SWT1: variants seen among roughly 807,000 people sequenced by gnomAD.
SWT1 encodes the protein transcriptional protein SWT1.
A neutral mutation model predicts 107.3 loss-of-function variants in SWT1; 33 were observed. The ratio of observed to expected loss-of-function variants is 0.31; its 90% CI spans 0.23 to 0.41. The LOEUF is 0.41. SWT1 is among the 10% of genes least tolerant of loss of function. The probability of loss-of-function intolerance (pLI) is 1.00; values close to 1 mark genes in which losing one functional copy is unlikely to be tolerated. For synonymous variants in SWT1, 345 were observed against 348.3 expected (o/e 0.99, Z 0.11); for missense variants, 898 against 1,028.9 (o/e 0.87, Z 1.74).
At chr1:185,238,051 A>G (rs1053867656) in intron 16 of SWT1, among the ~76,000 whole-genome samples, 50 of 151,808 alleles carry the variant, frequency 3.3e-4, no homozygotes, top group African/African-American at 1.2e-3. Flanking sequence ...CAGTGGAGCA[A>G]TCACGGCTCA....
chr1:185,213,979 GT>G lies in SWT1; in HGVS notation c.1973-527del, dbSNP rs533557973. On this transcript the variant is annotated intron_variant, in intron 13 of 18. Coordinates refer to ENST00000367500, the MANE Select transcript of SWT1 (RefSeq NM_017673.7). ...CAAACTTTTTTTCTCTCCTGAAGTTGTGTTGTACATATAGAGATAACTCATA... is the reference window on the plus strand; with the variant it reads ...CAAACTTTTTTTCTCTCCTGAAGTTGGTTGTACATATAGAGATAACTCATA... 2.5e-4 allele frequency among the ~76,000 whole-genome samples: 38 copies of G among 152,082 alleles called. 1 individual carries two copies. The highest frequency in any genetic ancestry group is 1.7e-3 in the Admixed American group (26 of 15,256).
chr1:185,210,130 C>T (rs1658666495), intron 13 of SWT1, among the ~76,000 whole-genome samples: 1 of 152,120 alleles, frequency 6.6e-6, no homozygotes. Flanking sequence ...AGCTGTTTGT[C>T]AGATCGATAG....
intron 18 of SWT1, among the ~76,000 whole-genome samples, chr1:185,285,735 C>T (rs1170523281): frequency 6.6e-6 from 1 of 152,174 alleles, no homozygotes; most frequent in Non-Finnish European, 1.5e-5. Context: ...AGGGGTCCAG[C>T]TTCATTCATG....
chr1:185,228,156 T>TAA (rs918422186), intron 15 of SWT1, among the ~76,000 whole-genome samples: 1 of 128,024 alleles, frequency 7.8e-6, no homozygotes, highest in Non-Finnish European at 1.6e-5. Context: ...TATGTCACAT[T>TAA]AAAAAAAAAT....
intron 16 of SWT1, 54 bp downstream of exon 16, chr1:185,231,762 C>G (rs1571569922): frequency 7.0e-7 from 1 of 1,427,960 alleles, no homozygotes. Context: ...TTCTCTTTCT[C>G]CTAGGCTTAC....
chr1:185,199,823 A>G (rs1033295463), intron 10 of SWT1, among the ~76,000 whole-genome samples: 2 of 152,260 alleles, frequency 1.3e-5, no homozygotes, highest in South Asian at 4.1e-4. Context: ...CTCCTGGATA[A>G]TATCCTGAAG....
chr1:185,289,509 A>G lies in SWT1; in HGVS notation c.2574-1165A>G, dbSNP rs116082432. Among the ~76,000 whole-genome samples the G allele has an allele frequency of 7.0e-3, 1,068 of 152,332 alleles. 9 individuals are homozygous for G. The highest frequency in any genetic ancestry group is 0.03 in the South Asian group (143 of 4,830). On this transcript the variant is annotated intron_variant, in intron 18 of 18. Transcript: ENST00000367500. ...CCACACAGTTGGAATAGAATTTTTA[A>G]TATATCCAAAGGAAATGAAATCAGT...
intron 18 of SWT1, 63 bp downstream of exon 18, chr1:185,276,731 T>TTGG (rs1157560724): frequency 1.1e-5 from 9 of 829,378 alleles, no homozygotes; most frequent in Non-Finnish European, 9.3e-6. Flanking sequence ...ACAGCAGCAC[T>TTGG]TGGTGGTGGT....
At chr1:185,219,364 AGTT>A (rs779277294) in intron 14 of SWT1, among the ~76,000 whole-genome samples, 3 of 152,192 alleles carry the variant, frequency 2.0e-5, no homozygotes, top group Admixed American at 6.6e-5. Context: ...TTCATAGGGT[AGTT>A]GTTAGGATTA....
chr1:185,177,113 G>A, intron 5 of SWT1: 1 of 866,840 alleles, frequency 1.2e-6, no homozygotes, highest in Non-Finnish European at 1.4e-6. Context: ...ACTGGAAGGG[G>A]CCCAAAGAGG....
chr1:185,242,517 T>G (rs530201016), intron 16 of SWT1, among the ~76,000 whole-genome samples: 1 of 152,264 alleles, frequency 6.6e-6, no homozygotes, highest in African/African-American at 2.4e-5. Context: ...GATACTTATA[T>G]CAGCGGAGAA....
chr1:185,192,670 C>CA (rs1379147524), intron 10 of SWT1, among the ~76,000 whole-genome samples: 48 of 143,588 alleles, frequency 3.3e-4, no homozygotes, highest in African/African-American at 1.2e-3. Flanking sequence ...TTTTTTGAGA[C>CA]AGAGTCTCAC....
chr1:185,232,166 G>A lies in SWT1; in HGVS notation c.2441+458G>A, dbSNP rs534485310. 3.2e-3 allele frequency among the ~76,000 whole-genome samples: 486 copies of A among 152,188 alleles called. 3 individuals are homozygous for A. The highest frequency in any genetic ancestry group is 0.011 in the African/African-American group (462 of 41,518). ...GCCTAAATAATTCTTATAATAAAAA[G>A]TTATCTAAACTTCTGCCACCCTTAA... On this transcript the variant is annotated intron_variant, in intron 16 of 18. Transcript: ENST00000367500.
rs1660124936 is a variant in SWT1, at chr1:185,227,064, A to G, written c.2310-4513A>G. On this transcript the variant is annotated intron_variant, in intron 15 of 18. Coordinates refer to ENST00000367500, the MANE Select transcript of SWT1 (RefSeq NM_017673.7). ...CTTGTAAGCATCTTTATCTTCTTCC[A>G]TTAAATAGCACATGTAATCTGCAAC... The G allele has an allele frequency of 3.0e-6, 3 of 1,001,380 alleles. No homozygotes were observed. In the South Asian group the frequency reaches 3.8e-5, roughly 13 times the overall value. The allele number at this position is 1,001,380 out of a possible 1,614,324, so 62.0% of individuals were successfully genotyped here.
chr1:185,176,842 G>C (rs1655603517), intron 5 of SWT1: 1 of 396,408 alleles, frequency 2.5e-6, no homozygotes, highest in Non-Finnish European at 3.4e-6. Context: ...AAATTAGCTG[G>C]GCATGGTGGC....
intron 10 of SWT1, among the ~76,000 whole-genome samples, chr1:185,199,340 G>A (rs1050649288): frequency 2.6e-5 from 4 of 152,204 alleles, no homozygotes; most frequent in African/African-American, 9.6e-5. Context: ...TTTCTTCATA[G>A]TGTCGATGGT....
At chr1:185,233,880 A>T (rs1660673016) in intron 16 of SWT1, among the ~76,000 whole-genome samples, 1 of 152,068 alleles carries the variant, frequency 6.6e-6, no homozygotes, top group African/African-American at 2.4e-5. Flanking sequence ...AGTAGCTGGG[A>T]CTACAGGCAC....
chr1:185,215,976 G>A (rs1028688483), intron 14 of SWT1, among the ~76,000 whole-genome samples: 2 of 151,888 alleles, frequency 1.3e-5, no homozygotes, highest in African/African-American at 4.8e-5. Flanking sequence ...TTTTTTCTCT[G>A]AGGAACTGAA....
chr1:185,166,546 A>G (rs1024632910), intron 2 of SWT1, 26 bp from the exon 3 acceptor site: 4 of 1,487,026 alleles, frequency 2.7e-6, no homozygotes, highest in Non-Finnish European at 3.7e-6. Context: ...GCTTTTTAAA[A>G]TTCATTTTCT....
Sources: allele counts gnomAD v4.1 joint callset (sites outside exome capture counted in the v4.1 genomes callset), GRCh38; gene constraint gnomAD v4.1.1; transcripts MANE v1.5; gene names NCBI Gene and HGNC (gene_info 2026-07-23, HGNC 2026-07-21).